IL2RG: variants seen among roughly 807,000 people sequenced by gnomAD.
The protein encoded by IL2RG is interleukin 2 receptor subunit gamma, also known as cytokine receptor common subunit gamma.
For missense variants in IL2RG, 205 were observed against 272.9 expected (o/e 0.75, Z 1.75); for synonymous variants, 111 against 108.5 (o/e 1.02, Z -0.15).
In IL2RG at chrX:71,107,885, G is replaced by A. The variant is rs1274437223; in HGVS notation, c.961C>T (p.Leu321=). Residue 321 remains leucine (L), a synonymous_variant, in exon 8 of 8, where the codon CTG becomes TTG. Transcript: ENST00000374202. ...SGVSKGLAES[L]QPDYSERLCL... ...AGTCGTTCACTGTAGTCTGGCTGCA[G>A]ACTCTCAGCCAGTCCCTTAGACACA... is the stretch of plus-strand genomic sequence containing the variant. 1 of 1,208,635 alleles carries A rather than the reference G, an allele frequency of 8.3e-7. No individual in the cohort carries two copies. The highest frequency in any genetic ancestry group is 1.1e-6 in the Non-Finnish European group (1 of 893,218).
At chrX:71,109,929 CAAAAAA>C (rs369142790) in intron 4 of IL2RG, among the ~76,000 whole-genome samples, 5 of 47,840 alleles carry the variant, frequency 1.0e-4, no homozygotes, top group African/African-American at 1.9e-4. Flanking sequence ...GGCTCTGTCT[CAAAAAA>C]AAAAAAAAAA....
Position 71,109,307 on chromosome X carries a change from G to A in IL2RG, c.678C>T (p.Arg226=), listed in dbSNP as rs2147748213. The A allele has an allele frequency of 1.7e-6, 2 of 1,211,076 alleles. No homozygotes were observed. Among genetic ancestry groups the A allele is most frequent in the South Asian group, 3.5e-5 (2 of 57,007 alleles). Residue 226 remains arginine, a synonymous_variant, in exon 5 of 8, where the codon CGC becomes CGT. Transcript: ENST00000374202. ...GAGCACTTCCACAGAGTGGGTTAAA[G>A]CGGCTCCGAACACGAAACGTGTAGC... is the stretch of plus-strand genomic sequence containing the variant. ...QKRYTFRVRS[R]FNPLCGSAQH... is the part of the protein sequence containing the mutation.
chrX:71,107,766 G>C lies in IL2RG; in HGVS notation c.1080C>G (p.Pro360=). The change falls in exon 8 of 8, where the codon CCC becomes CCG. Residue 360 remains proline, a synonymous_variant. Coordinates refer to ENST00000374202, the MANE Select transcript of IL2RG (RefSeq NM_000206.3). ...PCNQHSPYWA[P]PCYTLKPET ...TTTCAGGCTTTAGGGTGTAACATGG[G>C]GGGGCCCAGTAGGGGCTATGCTGGT... 1.7e-6 allele frequency: 2 copies of C among 1,152,409 alleles called. No individual in the cohort carries two copies. The highest frequency in any genetic ancestry group is 2.3e-6 in the Non-Finnish European group (2 of 867,119). The allele number at this position is 1,152,409 out of a possible 1,213,427, so 95.0% of individuals were successfully genotyped here.
At chrX:71,108,481 T>G in intron 6 of IL2RG, 118 bp downstream of exon 6, 2 of 692,211 alleles carry the variant, frequency 2.9e-6, no homozygotes, top group Non-Finnish European at 4.6e-6. Context: ...CCAAACCCTC[T>G]TGGGTAATCT....
rs777709574 is a variant in IL2RG, at chrX:71,108,366, G to C, written c.855-20C>G. On this transcript the variant is annotated intron_variant, in intron 6 of 7. Transcript: ENST00000374202. ...ATCGTCCTGACAGGGGAGAAAGAGG[G>C]AGCAGGAGCACATAGGTTAAAGCTT... 1.8e-6 allele frequency: 2 copies of C among 1,093,155 alleles called. No individual in the cohort carries two copies. The highest frequency in any genetic ancestry group is 2.5e-6 in the Non-Finnish European group (2 of 787,289). The allele number at this position is 1,093,155 out of a possible 1,213,427, so 90.1% of individuals were successfully genotyped here.
At chrX:71,108,457 G>A in intron 6 of IL2RG, 111 bp from the exon 7 acceptor site, 1 of 699,349 alleles carries the variant, frequency 1.4e-6, no homozygotes, top group Non-Finnish European at 2.3e-6. Flanking sequence ...TGTGCCTGTG[G>A]CTTCCTTCCA....
At chrX:71,109,101 A>G in intron 5 of IL2RG, 127 bp downstream of exon 5, 1 of 658,614 alleles carries the variant, frequency 1.5e-6, no homozygotes, top group Non-Finnish European at 2.4e-6. Flanking sequence ...GGTTGGGGTT[A>G]GACAGTGTGG....
intron 2 of IL2RG, 79 bp from the exon 3 acceptor site, chrX:71,110,767 T>A: frequency 9.2e-7 from 1 of 1,086,455 alleles, no homozygotes; most frequent in South Asian, 1.9e-5. Context: ...TAGCCTCATC[T>A]CCCCTCAACC....
chrX:71,110,191 C>A lies in IL2RG; in HGVS notation c.559G>T (p.Val187Leu). 1 of 1,210,699 alleles carries A rather than the reference C, an allele frequency of 8.3e-7. No homozygotes were observed. The highest frequency in any genetic ancestry group is 1.1e-6 in the Non-Finnish European group (1 of 894,690). Residue 187 changes from valine to leucine, a missense_variant, in exon 4 of 8, where the codon GTG (valine) becomes TTG (leucine). Physicochemically the swap from Val to Leu is conservative, Grantham distance 32 (BLOSUM62 1). Coordinates refer to ENST00000374202, the MANE Select transcript of IL2RG (RefSeq NM_000206.3). ...TGGTCCCAGTCAGTCCGGTACTGCA[C>A]CAAGTGCTCCAAACAGTGGTTCAAG... ...RFLNHCLEHL[V>L]QYRTDWDHSW...
rs932922832 is a variant in IL2RG, at chrX:71,110,804, C to T, written c.269+93G>A. On this transcript the variant is annotated intron_variant, in intron 2 of 7. Coordinates refer to ENST00000374202, the MANE Select transcript of IL2RG (RefSeq NM_000206.3). Reference sequence around the variant, plus strand: ...ACTTATGACTTACCCCAGGAGAAAACAGTGGGGTACCTGGGAGACTTGCTA... The same window carrying T: ...ACTTATGACTTACCCCAGGAGAAAATAGTGGGGTACCTGGGAGACTTGCTA... The T allele has an allele frequency of 1.0e-5, 11 of 1,102,529 alleles. No homozygotes were observed. In the African/African-American group the frequency reaches 1.5e-4, roughly 15 times the overall value. 90.9% of individuals were successfully genotyped at this position (1,102,529 alleles called of 1,213,427 possible). A position where few individuals can be genotyped will look rare whatever the true frequency, so the allele number is the denominator to read the frequency against.
intron 5 of IL2RG, 48 bp from the exon 6 acceptor site, chrX:71,108,743 TACTACATGCCAGGC>T: frequency 1.1e-6 from 1 of 878,973 alleles, no homozygotes; most frequent in Non-Finnish European, 1.6e-6. Context: ...GTTGTGCCCC[TACTACATGCCAGGC>T]ACTGGTGCCA....
rs11574625 is a variant in IL2RG at position 71,110,746 on chromosome X, T to C, written c.270-58A>G. 204,239 of 1,107,988 alleles carry C rather than the reference T, an allele frequency of 0.18. 18,066 individuals are homozygous for C. The highest frequency in any genetic ancestry group is 0.52 in the African/African-American group (28,378 of 54,716). 91.3% of individuals were successfully genotyped at this position (1,107,988 alleles called of 1,213,427 possible). A position where few individuals can be genotyped will look rare whatever the true frequency, so the allele number is the denominator to read the frequency against. ...GTGGGGCCAATCTGGGTACTGCAGA[T>C]ATCCAGAGCCTAGCCTCATCTCCCC... On this transcript the variant is annotated intron_variant, in intron 2 of 7. Transcript: ENST00000374202.
Position 71,107,578 on chromosome X carries a change from G to C in IL2RG, c.*158C>G. 1 of 352,945 alleles carries C rather than the reference G, an allele frequency of 2.8e-6. No individual in the cohort carries two copies. Among genetic ancestry groups the C allele is most frequent in the Non-Finnish European group, 5.0e-6 (1 of 199,230 alleles). 29.1% of individuals were successfully genotyped at this position (352,945 alleles called of 1,213,427 possible). A position where few individuals can be genotyped will look rare whatever the true frequency, so the allele number is the denominator to read the frequency against. ...GGGCAAAAGGGTAATTCTCAAGTGG[G>C]GAATGCCAAATGAAGGGGTGCTTAC... is the stretch of plus-strand genomic sequence containing the variant. On this transcript the variant is annotated 3_prime_UTR_variant, in exon 8 of 8. Transcript: ENST00000374202.
At position 71,107,924 on chromosome X, in the gene IL2RG, A is replaced by G. The variant is rs754652224; in HGVS notation, c.925-3T>C. On this transcript the variant is annotated splice_region_variant and splice_polypyrimidine_tract_variant and intron_variant, in intron 7 of 7. Transcript: ENST00000374202. Reference sequence around the variant, plus strand: ...CCCTTAGACACACCACTCCAGGCCTAAAGACAGATATGTCCAGGTCAGGGG... The same window carrying G: ...CCCTTAGACACACCACTCCAGGCCTGAAGACAGATATGTCCAGGTCAGGGG... 1 of 1,201,333 alleles carries G rather than the reference A, an allele frequency of 8.3e-7. No individual in the cohort carries two copies. The highest frequency in any genetic ancestry group is 1.7e-5 in the African/African-American group (1 of 57,185).
At chrX:71,109,416 A>T in intron 4 of IL2RG, 26 bp from the exon 5 acceptor site, 2 of 1,188,713 alleles carry the variant, frequency 1.7e-6, no homozygotes, top group Non-Finnish European at 2.3e-6. Context: ...GATGAGGGAA[A>T]GTGGGTGTCT....
Position 71,107,633 on chromosome X carries a change from AGTGGG to A in IL2RG, c.*98_*102del. ...GGGCACAAAATTCCAAATCAGCCAC[AGTGGG>A]GTGAGGTGAGTATGAGACGCAGGTG... On this transcript the variant is annotated 3_prime_UTR_variant, in exon 8 of 8. Transcript: ENST00000374202. 1.8e-6 allele frequency: 1 copy of A among 555,749 alleles called. No homozygotes were observed. The highest frequency in any genetic ancestry group is 2.6e-6 in the Non-Finnish European group (1 of 380,979). The allele number at this position is 555,749 out of a possible 1,213,427, so 45.8% of individuals were successfully genotyped here. A position where few individuals can be genotyped will look rare whatever the true frequency, so the allele number is the denominator to read the frequency against.
intron 7 of IL2RG, 55 bp from the exon 8 acceptor site, chrX:71,107,976 C>A: frequency 2.0e-6 from 2 of 996,809 alleles, no homozygotes; most frequent in Admixed American, 2.3e-5. Context: ...AGTAAAAGAC[C>A]GAGCTCTGTG....
At chrX:71,110,327 C>A in intron 3 of IL2RG, 32 bp from the exon 4 acceptor site, 1 of 1,205,177 alleles carries the variant, frequency 8.3e-7, no homozygotes, top group Admixed American at 2.2e-5. Flanking sequence ...TGGTCATTCC[C>A]CTGGCCTAGA....
Position 71,108,149 on chromosome X carries a change from C to T in IL2RG, c.924+128G>A, listed in dbSNP as rs17875897. The T allele has an allele frequency of 4.0e-4, 229 of 577,789 alleles. No individual in the cohort carries two copies. The African/African-American group carries it at 4.6e-3, about 12-fold the overall frequency. The allele number at this position is 577,789 out of a possible 1,213,427, so 47.6% of individuals were successfully genotyped here. A position where few individuals can be genotyped will look rare whatever the true frequency, so the allele number is the denominator to read the frequency against. ...ATAGTCCATGCCCCATTTGGTCGGC[C>T]ACATCCTGACAGTTAGTGCAGGGCC... On this transcript the variant is annotated intron_variant, in intron 7 of 7. Coordinates refer to ENST00000374202, the MANE Select transcript of IL2RG (RefSeq NM_000206.3).
Sources: allele counts gnomAD v4.1 joint callset (sites outside exome capture counted in the v4.1 genomes callset), GRCh38; gene constraint gnomAD v4.1.1; transcripts MANE v1.5; gene names NCBI Gene and HGNC (gene_info 2026-07-23, HGNC 2026-07-21).